The following DST variants were observed in gnomAD, a reference collection of about 807,000 sequenced individuals.
The protein encoded by DST is bullous pemphigoid antigen.
In DST, 253 loss-of-function variants were observed where a neutral mutation model predicts 875.2. The ratio of observed to expected loss-of-function variants is 0.29; its 90% CI spans 0.26 to 0.32. The LOEUF is 0.32. Ranked by LOEUF, DST falls within the 10% of genes least tolerant of loss-of-function variation. The probability of loss-of-function intolerance (pLI) is 1.00; values close to 1 mark genes in which losing one functional copy is unlikely to be tolerated. For synonymous variants in DST, 3,124 were observed against 3,197.1 expected (o/e 0.98, Z 0.77); for missense variants, 8,287 against 9,111.6 (o/e 0.91, Z 3.68).
intron 2 of DST, among the ~76,000 whole-genome samples, chr6:56,921,264 TAG>T (rs1804082149): frequency 6.6e-6 from 1 of 152,118 alleles, no homozygotes; most frequent in Admixed American, 6.6e-5. Flanking sequence ...AATCTGAAAA[TAG>T]AGTTTTCTAA....
intron 4 of DST, among the ~76,000 whole-genome samples, chr6:56,785,499 G>T (rs1041283611): frequency 1.3e-5 from 2 of 151,890 alleles, no homozygotes; most frequent in African/African-American, 4.8e-5. Flanking sequence ...CTCGGTGGGC[G>T]TAGGACCCTC....
At chr6:56,615,325 G>A (rs996161929) in intron 36 of DST, 3 of 1,413,786 alleles carry the variant, frequency 2.1e-6, no homozygotes, top group African/African-American at 2.9e-5. Flanking sequence ...ACCATTTGAA[G>A]GGCATTAAAT....
chr6:56,486,767 T>A (rs1000821319), intron 87 of DST, among the ~76,000 whole-genome samples: 1 of 152,156 alleles, frequency 6.6e-6, no homozygotes, highest in African/African-American at 2.4e-5. Flanking sequence ...TCCATTTACA[T>A]TTTTAAAAGA....
intron 45 of DST, 90 bp from the exon 46 acceptor site, chr6:56,598,799 CAGAG>C (rs375993031): frequency 1.4e-4 from 93 of 676,012 alleles, no homozygotes; most frequent in African/African-American, 1.3e-3. Context: ...AGAGTGAGTA[CAGAG>C]AGAGTCTAGT....
chr6:56,635,042 A>C (rs953633747), intron 24 of DST, 89 bp from the exon 25 acceptor site: 6 of 1,096,042 alleles, frequency 5.5e-6, no homozygotes, highest in Non-Finnish European at 6.7e-6. Flanking sequence ...CTTCATCAGA[A>C]AAGTCTTCTC....
At position 56,476,479 on chromosome 6, in the gene DST, T is replaced by G. The variant is rs1170255184; in HGVS notation, c.21676-142A>C. 5 of 678,040 alleles carry G rather than the reference T, an allele frequency of 7.4e-6. No homozygotes were observed. In the African/African-American group the frequency reaches 9.1e-5, roughly 12 times the overall value. 42.0% of individuals were successfully genotyped at this position (678,040 alleles called of 1,614,324 possible). On this transcript the variant is annotated intron_variant, in intron 91 of 103. Coordinates refer to ENST00000680361, the MANE Select transcript of DST (RefSeq NM_001374736.1). The stretch of plus-strand genomic sequence containing the variant: ...TGCTTCTGGTCTTTTTAGATTCCAT[T>G]AGTGGCATCAAGATCTGGCTTGAGG...
chr6:56,851,697 C>T (rs192708100), intron 3 of DST, 93 bp from the exon 4 acceptor site: 156 of 1,553,208 alleles, frequency 1.0e-4, no homozygotes, highest in Admixed American at 9.8e-5. Context: ...CCGCCGCCCT[C>T]CCTGCCCCCA....
At chr6:56,806,820 C>CA (rs1394972047) in intron 4 of DST, among the ~76,000 whole-genome samples, 3 of 152,158 alleles carry the variant, frequency 2.0e-5, no homozygotes, top group Non-Finnish European at 4.4e-5. Context: ...AAACCAATGA[C>CA]ATATTATCCC....
chr6:56,639,231 C>T, intron 22 of DST, 28 bp downstream of exon 22: 1 of 1,546,396 alleles, frequency 6.5e-7, no homozygotes, highest in South Asian at 1.1e-5. Context: ...CAATATTCAA[C>T]CAACACCATT....
intron 3 of DST, among the ~76,000 whole-genome samples, chr6:56,855,604 G>T (rs1470256405): frequency 6.6e-6 from 1 of 152,144 alleles, no homozygotes; most frequent in Admixed American, 6.5e-5. Flanking sequence ...ATTGTTTATT[G>T]TCATGCATTT....
intron 75 of DST, among the ~76,000 whole-genome samples, chr6:56,508,182 T>C (rs370263856): frequency 2.0e-5 from 3 of 152,194 alleles, no homozygotes; most frequent in African/African-American, 7.2e-5. Flanking sequence ...TACAGGTGTG[T>C]ACCACCACGC....
At chr6:56,787,541 G>A (rs1423443791) in intron 4 of DST, among the ~76,000 whole-genome samples, 1 of 152,086 alleles carries the variant, frequency 6.6e-6, no homozygotes, top group Non-Finnish European at 1.5e-5. Context: ...ATTCTCACCA[G>A]GATTGGCATG....
At chr6:56,501,296 T>C (rs1583269913) in intron 79 of DST, 61 bp from the exon 80 acceptor site, 1 of 1,486,578 alleles carries the variant, frequency 6.7e-7, no homozygotes, top group Non-Finnish European at 9.0e-7. Context: ...GACATGTCTA[T>C]AAAACAAGGA....
intron 4 of DST, among the ~76,000 whole-genome samples, chr6:56,738,330 T>A (rs1304901675): frequency 6.7e-6 from 1 of 150,100 alleles, no homozygotes; most frequent in African/African-American, 2.5e-5. Context: ...TATACTAAAA[T>A]TTTTTTTTGA....
At chr6:56,622,342 G>A (rs563703920) in intron 36 of DST, among the ~76,000 whole-genome samples, 3 of 152,154 alleles carry the variant, frequency 2.0e-5, no homozygotes, top group South Asian at 2.1e-4. Flanking sequence ...AACCCAAGGC[G>A]GGTGGATCAT....
chr6:56,925,606 T>C (rs1806629331), intron 2 of DST, among the ~76,000 whole-genome samples: 1 of 151,922 alleles, frequency 6.6e-6, no homozygotes, highest in African/African-American at 2.4e-5. Flanking sequence ...AATTCTAAAT[T>C]CCTCTCTTTG....
chr6:56,893,828 T>G (rs1468822074), intron 3 of DST, among the ~76,000 whole-genome samples: 1 of 37,310 alleles, frequency 2.7e-5, no homozygotes, highest in Non-Finnish European at 4.7e-5. Context: ...CTCAAGCATC[T>G]GTTCAACAAA....
chr6:56,832,961 A>C (rs2153063021), intron 4 of DST, among the ~76,000 whole-genome samples: 1 of 152,302 alleles, frequency 6.6e-6, no homozygotes, highest in African/African-American at 2.4e-5. Context: ...CTGGTCTCGA[A>C]CTACTGACCT....
rs1230527891 is a variant in DST at position 56,458,072 on chromosome 6, T to C, written c.*933A>G. Reference sequence around the variant, plus strand: ...TGAGTACACATAATAAATTAAAATGTATATATTTATTAAATATAGATAGAT... The same window carrying C: ...TGAGTACACATAATAAATTAAAATGCATATATTTATTAAATATAGATAGAT... On this transcript the variant is annotated 3_prime_UTR_variant, in exon 104 of 104. Coordinates refer to ENST00000680361, the MANE Select transcript of DST (RefSeq NM_001374736.1). 1.3e-5 allele frequency: 2 copies of C among 152,448 alleles called. No homozygotes were observed. Among genetic ancestry groups the C allele is most frequent in the African/African-American group, 2.4e-5 (1 of 41,440 alleles). The allele number at this position is 152,448 out of a possible 1,614,324, so 9.4% of individuals were successfully genotyped here.
Sources: allele counts gnomAD v4.1 joint callset (sites outside exome capture counted in the v4.1 genomes callset), GRCh38; gene constraint gnomAD v4.1.1; transcripts MANE v1.5; gene names NCBI Gene and HGNC (gene_info 2026-07-23, HGNC 2026-07-21).